MPND: variants seen among roughly 807,000 people sequenced by gnomAD.
The protein encoded by MPND is MPN domain-containing protein.
MPND carries 56 observed loss-of-function variants against 59.2 expected under a neutral mutation model. The observed-to-expected ratio is 0.95, with a 90% confidence interval of 0.76 to 1.18. The LOEUF (loss-of-function observed/expected upper bound fraction) is 1.18. Ranked by LOEUF, MPND falls within the 50% of genes most tolerant of loss-of-function variation. The pLI, the probability that MPND is intolerant of heterozygous loss-of-function variation, is 0.00. For missense variants in MPND, 671 were observed against 676.0 expected (o/e 0.99, Z 0.08); for synonymous variants, 323 against 291.9 (o/e 1.11, Z -1.09).
intron 5 of MPND, 87 bp downstream of exon 5, chr19:4,354,216 G>A: frequency 1.3e-6 from 2 of 1,516,466 alleles, no homozygotes. Context: ...GGTGGGGGGT[G>A]GGACAGAGCC....
intron 8 of MPND, among the ~76,000 whole-genome samples, chr19:4,356,268 A>G (rs961603187): frequency 4.6e-5 from 7 of 152,064 alleles, no homozygotes; most frequent in Admixed American, 3.9e-4. Context: ...AAAGGCCATC[A>G]GATCCAGGCA....
Position 4,353,024 on chromosome 19 carries a change from A to C in MPND, c.659A>C (p.His220Pro). Residue 220 changes from histidine (H) to proline (P), a missense_variant, in exon 4 of 13, where the codon CAC (histidine) becomes CCC (proline). By Grantham distance (77) the His-to-Pro change is moderately conservative. Transcript: ENST00000599840. The stretch of plus-strand genomic sequence containing the variant: ...GGGAAGAGCCCTTCAGAGCCTGCCC[A>C]CCCGGGTGAGAGGCGTGGGGAGGGG... ...PLGKSPSEPA[H>P]PEATTPGKRV... 1 of 1,340,952 alleles carries C rather than the reference A, an allele frequency of 7.5e-7. No individual in the cohort carries two copies. The highest frequency in any genetic ancestry group is 2.8e-5 in the East Asian group (1 of 35,870). 83.1% of individuals were successfully genotyped at this position (1,340,952 alleles called of 1,614,324 possible).
In MPND at chr19:4,354,307, C is replaced by T; in HGVS notation, c.750-17C>T. 1 of 1,551,278 alleles carries T rather than the reference C, an allele frequency of 6.4e-7. No individual in the cohort carries two copies. The highest frequency in any genetic ancestry group is 8.7e-7 in the Non-Finnish European group (1 of 1,145,816). On this transcript the variant is annotated splice_polypyrimidine_tract_variant and intron_variant, in intron 5 of 12. Transcript: ENST00000599840. The stretch of plus-strand genomic sequence containing the variant: ...CTGGGGATTCCTGAGACTGTGCGAC[C>T]CTCCTGGCCCCTACAGGAACCCCCA...
chr19:4,354,270 C>A (rs1412517114), intron 5 of MPND, 54 bp from the exon 6 acceptor site: 2 of 1,515,494 alleles, frequency 1.3e-6, no homozygotes, highest in Non-Finnish European at 9.0e-7. Context: ...AGTGTGGGGG[C>A]GAGGGAAGAG....
chr19:4,346,011 G>T, intron 3 of MPND, 30 bp downstream of exon 3: 1 of 1,581,066 alleles, frequency 6.3e-7, no homozygotes, highest in Non-Finnish European at 8.6e-7. Flanking sequence ...CCAGGAAGCC[G>T]CCCAGGTCAC....
Position 4,344,107 on chromosome 19 carries a change from C to A in MPND, c.294+113C>A, listed in dbSNP as rs1317801644. 4 of 771,840 alleles carry A rather than the reference C, an allele frequency of 5.2e-6. No homozygotes were observed. The East Asian group carries it at 1.5e-4, about 30-fold the overall frequency. The allele number at this position is 771,840 out of a possible 1,614,324, so 47.8% of individuals were successfully genotyped here. ...CAGTGTAGGGAGGGGACACTGAGGC[C>A]CGGAGCTCCCTTGCTGAGAGACGAG... On this transcript the variant is annotated intron_variant, in intron 2 of 12. Transcript: ENST00000599840.
chr19:4,350,547 G>C (rs1340560804), intron 3 of MPND, among the ~76,000 whole-genome samples: 1 of 152,230 alleles, frequency 6.6e-6, no homozygotes, highest in Non-Finnish European at 1.5e-5. Context: ...ATGGAGCAGG[G>C]AAGAAGTGGG....
chr19:4,358,432 C>T (rs961303016), intron 11 of MPND: 68 of 495,180 alleles, frequency 1.4e-4, no homozygotes, highest in Non-Finnish European at 2.1e-4. Context: ...TAGAGAAACC[C>T]CAGGGACTTT....
intron 8 of MPND, chr19:4,356,974 G>A (rs1382909674): frequency 5.8e-6 from 2 of 342,298 alleles, no homozygotes; most frequent in African/African-American, 2.1e-5. Flanking sequence ...TTACTGTGTG[G>A]CGACCATTAT....
intron 8 of MPND, chr19:4,356,918 G>T (rs922566705): frequency 1.8e-5 from 4 of 216,584 alleles, no homozygotes; most frequent in Non-Finnish European, 3.6e-5. Context: ...GGGATTATAG[G>T]CGTGAGCCAC....
intron 3 of MPND, among the ~76,000 whole-genome samples, chr19:4,347,543 GTA>G (rs1972213253): frequency 6.6e-6 from 1 of 151,898 alleles, no homozygotes; most frequent in Non-Finnish European, 1.5e-5. Context: ...CCAGCTGCCT[GTA>G]GATATGTTTT....
At chr19:4,359,814 A>C in intron 12 of MPND, 102 bp from the exon 13 acceptor site, 1 of 900,486 alleles carries the variant, frequency 1.1e-6, no homozygotes, top group Non-Finnish European at 1.7e-6. Flanking sequence ...CCTCGGTCTC[A>C]GGGGGGCTCA....
intron 5 of MPND, 21 bp from the exon 6 acceptor site, chr19:4,354,303 C>T (rs990871899): frequency 9.7e-6 from 15 of 1,547,346 alleles, no homozygotes; most frequent in East Asian, 2.4e-5. Context: ...TGAGACTGTG[C>T]GACCCTCCTG....
Position 4,358,387 on chromosome 19 carries a change from T to C in MPND, c.1326+215T>C, listed in dbSNP as rs1483557234. 8.7e-6 allele frequency: 5 copies of C among 574,592 alleles called. No homozygotes were observed. The African/African-American group carries it at 9.4e-5, about 11-fold the overall frequency. 35.6% of individuals were successfully genotyped at this position (574,592 alleles called of 1,614,324 possible). On this transcript the variant is annotated intron_variant, in intron 11 of 12. Coordinates refer to ENST00000599840, the MANE Select transcript of MPND (RefSeq NM_001300862.2). ...TCCCTCACCTCCCCACCTGCTGTTC[T>C]CTAAGGCACTGGCCTCTTCTGCCAG...
chr19:4,343,620 G>T lies in MPND; in HGVS notation c.7+20G>T. 2 of 924,854 alleles carry T rather than the reference G, an allele frequency of 2.2e-6. No individual in the cohort carries two copies. Among genetic ancestry groups the T allele is most frequent in the Non-Finnish European group, 1.4e-6 (1 of 737,634 alleles). 57.3% of individuals were successfully genotyped at this position (924,854 alleles called of 1,614,324 possible). ...TGGCAGGTACGGCGGGCCCAGCGGG[G>T]CGGAGGCGCGGGGCGCGGGGCTGCA... On this transcript the variant is annotated intron_variant, in intron 1 of 12. Transcript: ENST00000599840.
At position 4,343,718 on chromosome 19, in the gene MPND, G is replaced by T; in HGVS notation, c.18G>T (p.Pro6=). Residue 6 remains proline (P), a synonymous_variant, in exon 2 of 13, where the codon CCG becomes CCT. Coordinates refer to ENST00000599840, the MANE Select transcript of MPND (RefSeq NM_001300862.2). The part of the protein sequence containing the change: MAAPE[P]LSPAGGAGEE... ...TCTCGCTGTCCGCAGCTCCGGAGCC[G>T]CTGTCCCCGGCGGGCGGTGCGGGCG... The T allele has an allele frequency of 8.3e-7, 1 of 1,203,244 alleles. No homozygotes were observed. The highest frequency in any genetic ancestry group is 1.0e-6 in the Non-Finnish European group (1 of 969,758). The allele number at this position is 1,203,244 out of a possible 1,614,324, so 74.5% of individuals were successfully genotyped here.
At chr19:4,353,395 A>G (rs933072609) in intron 4 of MPND, among the ~76,000 whole-genome samples, 2 of 151,874 alleles carry the variant, frequency 1.3e-5, no homozygotes, top group African/African-American at 4.8e-5. Context: ...AGCCTCCCAA[A>G]TAGCTGGGAC....
chr19:4,349,499 C>T lies in MPND; in HGVS notation c.532-3398C>T, dbSNP rs549666925. Among the ~76,000 whole-genome samples, 43 of 150,964 alleles carry T rather than the reference C, an allele frequency of 2.8e-4. 1 individual carries two copies. The highest frequency in any genetic ancestry group is 1.0e-3 in the African/African-American group (43 of 41,154). ...CGGGAGGCTGCCGAGTCCTCAGTGGCTCAGTGAGTGGGTCTATTTTTTTTT... is the reference window on the plus strand; with the variant it reads ...CGGGAGGCTGCCGAGTCCTCAGTGGTTCAGTGAGTGGGTCTATTTTTTTTT... On this transcript the variant is annotated intron_variant, in intron 3 of 12. Coordinates refer to ENST00000599840, the MANE Select transcript of MPND (RefSeq NM_001300862.2).
rs945735916 is a variant in MPND, at chr19:4,357,716, G to A, written c.1236+131G>A. On this transcript the variant is annotated intron_variant, in intron 10 of 12. Transcript: ENST00000599840. The stretch of plus-strand genomic sequence containing the variant: ...CCCCAGTTTCTCCATCTATGAAATG[G>A]GGACGTGACTGCTGCCCTGCCCATA... The A allele has an allele frequency of 7.0e-6, 6 of 857,996 alleles. No individual in the cohort carries two copies. In the African/African-American group the frequency reaches 1.0e-4, roughly 15 times the overall value. 53.1% of individuals were successfully genotyped at this position (857,996 alleles called of 1,614,324 possible). A position where few individuals can be genotyped will look rare whatever the true frequency, so the allele number is the denominator to read the frequency against.
Sources: gnomAD v4.1 joint callset for allele counts (sites outside exome capture counted in the v4.1 genomes callset) on GRCh38, gnomAD v4.1.1 for gene constraint, MANE v1.5 for transcripts, NCBI Gene and HGNC (gene_info 2026-07-23, HGNC 2026-07-21) for gene names.